TMEM266: variants seen among roughly 807,000 people sequenced by gnomAD.
The protein encoded by TMEM266 is Hv1 related protein 1.
In TMEM266, 33 loss-of-function variants were observed where a neutral mutation model predicts 50.5. The observed-to-expected ratio is 0.65, with a 90% CI of 0.50 to 0.87. The LOEUF (loss-of-function observed/expected upper bound fraction) is 0.87. Among genes scored for constraint, TMEM266 ranks in the 40% least tolerant of loss-of-function variants. The pLI, the probability that TMEM266 is intolerant of heterozygous loss-of-function variation, is 0.00. For synonymous variants in TMEM266, 310 were observed against 292.3 expected, an observed-to-expected ratio of 1.06 and a Z score of -0.62; for missense variants, 655 against 695.1, an observed-to-expected ratio of 0.94 and a Z score of 0.65.
At chr15:76,098,410 G>C (rs2036952483) in intron 1 of TMEM266, among the ~76,000 whole-genome samples, 1 of 152,120 alleles carries the variant, frequency 6.6e-6, no homozygotes, top group African/African-American at 2.4e-5. Flanking sequence ...ACCAGCAGAG[G>C]CTGCAGAACA....
At position 76,203,858 on chromosome 15, in the gene TMEM266, A is replaced by C; in HGVS notation, c.1139A>C (p.Asn380Thr). 8 of 1,614,174 alleles carry C rather than the reference A, an allele frequency of 5.0e-6. No individual in the cohort carries two copies. The highest frequency in any genetic ancestry group is 5.1e-6 in the Non-Finnish European group (6 of 1,180,028). The change falls in exon 11 of 11, where the codon AAT (asparagine) becomes ACT (threonine). Residue 380 changes from asparagine (N) to threonine (T), a missense_variant. Around this residue, in one of 3 missense-constraint regions of TMEM266, gnomAD observed 455 missense variants for 401.8 expected, o/e 1.13. Transcript: ENST00000388942. ...GACATGCCCCTCAAACTCGGCGGTA[A>C]TGGCACCAGCGCCACCTCGGAGAGT...
intron 1 of TMEM266, among the ~76,000 whole-genome samples, chr15:76,090,374 C>T (rs934142305): frequency 1.5e-4 from 23 of 151,780 alleles, no homozygotes; most frequent in African/African-American, 5.3e-4. Flanking sequence ...CACCTGCAAT[C>T]CCAGCTGCTC....
chr15:76,067,558 T>C (rs1596080940), intron 1 of TMEM266, among the ~76,000 whole-genome samples: 1 of 143,726 alleles, frequency 7.0e-6, no homozygotes, highest in East Asian at 2.1e-4. Context: ...ACTTGAACCC[T>C]GGAGGCGGAG....
At chr15:76,199,163 G>C (rs559667666) in intron 9 of TMEM266, among the ~76,000 whole-genome samples, 7 of 152,356 alleles carry the variant, frequency 4.6e-5, no homozygotes, top group Non-Finnish European at 4.4e-5. Context: ...TGGTAAGAGA[G>C]AGGCACTAAA....
At chr15:76,164,435 T>G (rs1050110483) in intron 5 of TMEM266, among the ~76,000 whole-genome samples, 17 of 152,204 alleles carry the variant, frequency 1.1e-4, no homozygotes, top group Non-Finnish European at 2.5e-4. Context: ...CTCAAACTCC[T>G]GAGCTCAAGT....
chr15:76,203,954 G>T lies in TMEM266; in HGVS notation c.1235G>T (p.Ser412Ile). 1 of 1,613,140 alleles carries T rather than the reference G, an allele frequency of 6.2e-7. No homozygotes were observed. The change falls in exon 11 of 11, where the codon AGC becomes ATC. Residue 412 changes from serine to isoleucine, a missense_variant. Around this residue, in one of 3 missense-constraint regions of TMEM266, gnomAD observed 455 missense variants for 401.8 expected, o/e 1.13. Transcript: ENST00000388942. Reference sequence around the variant, plus strand: ...ACGCTGGGCTCCTCCATGGACTGCAGCACTGCCCGCGAGGAGCCGTCCTCT... The same window carrying T: ...ACGCTGGGCTCCTCCATGGACTGCATCACTGCCCGCGAGGAGCCGTCCTCT... ...DCSTAREEPS[S>I]EPGPSPPPLP...
chr15:76,150,760 G>A (rs2037827752), intron 3 of TMEM266, among the ~76,000 whole-genome samples: 1 of 152,200 alleles, frequency 6.6e-6, no homozygotes, highest in African/African-American at 2.4e-5. Flanking sequence ...GCCAGGCTTG[G>A]GAACGCTGCC....
chr15:76,077,971 CCTT>C lies in TMEM266; in HGVS notation c.-97+17959_-97+17961del, dbSNP rs368080513. On this transcript the variant is annotated intron_variant, in intron 1 of 10. Coordinates refer to ENST00000388942, the MANE Select transcript of TMEM266 (RefSeq NM_152335.3). ...GAACCCAATACTTTAGCCAAGGTGA[CCTT>C]CTTTGTAAGGGAGGCAAGTCCAGAA... Among the ~76,000 whole-genome samples, 172 of 152,122 alleles carry C rather than the reference CCTT, an allele frequency of 1.1e-3. 1 individual carries two copies. The highest frequency in any genetic ancestry group is 3.9e-3 in the African/African-American group (161 of 41,420).
At chr15:76,093,069 G>GT (rs2036872969) in intron 1 of TMEM266, among the ~76,000 whole-genome samples, 1 of 151,594 alleles carries the variant, frequency 6.6e-6, no homozygotes, top group Non-Finnish European at 1.5e-5. Context: ...GCCTCCTAAA[G>GT]TGCTGGGATT....
At chr15:76,165,660 G>A (rs1306086929) in intron 5 of TMEM266, among the ~76,000 whole-genome samples, 4 of 152,164 alleles carry the variant, frequency 2.6e-5, no homozygotes, top group East Asian at 1.9e-4. Context: ...ATCCCTCATC[G>A]TCACCCTGCT....
intron 3 of TMEM266, among the ~76,000 whole-genome samples, chr15:76,150,076 G>A (rs1301858748): frequency 6.6e-6 from 1 of 152,172 alleles, no homozygotes; most frequent in East Asian, 1.9e-4. Context: ...ACCCAATCCT[G>A]GGGCTTTAAC....
At position 76,098,970 on chromosome 15, in the gene TMEM266, T is replaced by G. The variant is rs563128527; in HGVS notation, c.-96-35198T>G. ...CCGGGTCCATCTCAGACAGCTGCTG[T>G]GCTGGCAGTGGGAATTTCAAACTAG... On this transcript the variant is annotated intron_variant, in intron 1 of 10. Coordinates refer to ENST00000388942, the MANE Select transcript of TMEM266 (RefSeq NM_152335.3). Among the ~76,000 whole-genome samples, 19 of 152,260 alleles carry G rather than the reference T, an allele frequency of 1.2e-4. No homozygotes were observed. In the South Asian group the frequency reaches 3.7e-3, roughly 30 times the overall value.
At chr15:76,188,896 G>C (rs1281476951) in intron 8 of TMEM266, among the ~76,000 whole-genome samples, 3 of 152,168 alleles carry the variant, frequency 2.0e-5, no homozygotes, top group Non-Finnish European at 4.4e-5. Flanking sequence ...CTATCTCTTG[G>C]ACAAGTACAG....
rs369051629 is a variant in TMEM266, at chr15:76,126,869, T to C, written c.-96-7299T>C. ...TTTTTTAAAAGAAAAGTTGAACTCA[T>C]AGTAACAAGAGAGTAGAATGATAGT... On this transcript the variant is annotated intron_variant, in intron 1 of 10. Coordinates refer to ENST00000388942, the MANE Select transcript of TMEM266 (RefSeq NM_152335.3). Among the ~76,000 whole-genome samples the C allele has an allele frequency of 4.9e-4, 75 of 152,162 alleles. 1 individual carries two copies. Among genetic ancestry groups the C allele is most frequent in the Non-Finnish European group, 8.8e-4 (60 of 67,996 alleles).
In TMEM266 at chr15:76,182,358, C is replaced by T. The variant is rs150113161; in HGVS notation, c.768+6684C>T. Among the ~76,000 whole-genome samples the T allele has an allele frequency of 2.5e-3, 377 of 152,074 alleles. 1 individual carries two copies. Among genetic ancestry groups the T allele is most frequent in the African/African-American group, 8.7e-3 (359 of 41,454 alleles). On this transcript the variant is annotated intron_variant, in intron 8 of 10. Transcript: ENST00000388942. ...TAAGGGTTAAAAAAAAGAGAGAGGT[C>T]GGGTGCGGTGGCTCACACCTGTAAT...
chr15:76,102,065 G>A (rs763360061), intron 1 of TMEM266, among the ~76,000 whole-genome samples: 5 of 152,136 alleles, frequency 3.3e-5, no homozygotes, highest in Non-Finnish European at 5.9e-5. Context: ...GGTGACCTGC[G>A]GCAACTCTTC....
intron 1 of TMEM266, among the ~76,000 whole-genome samples, chr15:76,081,338 C>T (rs2036691421): frequency 6.6e-6 from 1 of 152,182 alleles, no homozygotes; most frequent in South Asian, 2.1e-4. Context: ...GTGTTCTCTG[C>T]CAGAGTAACT....
intron 1 of TMEM266, among the ~76,000 whole-genome samples, chr15:76,117,931 T>G (rs1049929707): frequency 6.6e-6 from 1 of 152,238 alleles, no homozygotes; most frequent in Non-Finnish European, 1.5e-5. Context: ...GCTCAGAATC[T>G]CTAGGATGGC....
intron 8 of TMEM266, 116 bp from the exon 9 acceptor site, chr15:76,191,852 C>G (rs2038576759): frequency 2.1e-6 from 2 of 953,668 alleles, no homozygotes; most frequent in Non-Finnish European, 2.9e-6. Context: ...CTGCGGGAGG[C>G]TCAGCCCAGT....
Sources: gnomAD v4.1 joint callset for allele counts (sites outside exome capture counted in the v4.1 genomes callset) on GRCh38, gnomAD v4.1.1 for gene constraint, gnomAD v4.1.1 regional missense constraint, MANE v1.5 for transcripts, NCBI Gene and HGNC (gene_info 2026-07-23, HGNC 2026-07-21) for gene names.